The following ACKR2 variants were observed in gnomAD, a reference collection of about 807,000 sequenced individuals.
ACKR2 encodes C-C chemokine receptor D6.
For synonymous variants in ACKR2, 207 were observed against 192.2 expected (o/e 1.08, Z -0.64); for missense variants, 457 against 477.3 (o/e 0.96, Z 0.40).
chr3:42,859,867 C>T (rs1225303542), intron 2 of ACKR2, among the ~76,000 whole-genome samples: 1 of 151,918 alleles, frequency 6.6e-6, no homozygotes, highest in African/African-American at 2.4e-5. Flanking sequence ...AAACTGGTAC[C>T]AGCCACCACA....
At chr3:42,811,147 G>A (rs4683334) in intron 1 of ACKR2, among the ~76,000 whole-genome samples, 145,604 of 152,312 alleles carry the variant, frequency 0.96, 69,951 homozygotes, top group East Asian at 1. Flanking sequence ...ACAGTGGCAG[G>A]CCCTCATTTC....
At chr3:42,828,544 C>T (rs878956725) in intron 2 of ACKR2, among the ~76,000 whole-genome samples, 1 of 152,112 alleles carries the variant, frequency 6.6e-6, no homozygotes, top group Admixed American at 6.5e-5. Flanking sequence ...TTAAGGGGAA[C>T]CAAAAGGAAT....
chr3:42,851,396 G>A (rs563854132), intron 2 of ACKR2: 26 of 985,486 alleles, frequency 2.6e-5, no homozygotes, highest in Admixed American at 1.2e-4. Context: ...GGCACCTGGC[G>A]CTGCCGCTCT....
intron 2 of ACKR2, among the ~76,000 whole-genome samples, chr3:42,837,528 C>T (rs1202059750): frequency 6.6e-6 from 1 of 152,192 alleles, no homozygotes; most frequent in Non-Finnish European, 1.5e-5. Flanking sequence ...AGCTGGGAGC[C>T]TGCAGTTCTG....
In ACKR2 at chr3:42,822,628, G is replaced by A. The variant is rs575754389; in HGVS notation, c.-38+2917G>A. On this transcript the variant is annotated intron_variant, in intron 2 of 2. Coordinates refer to ENST00000422265, the MANE Select transcript of ACKR2 (RefSeq NM_001296.5). The stretch of plus-strand genomic sequence containing the variant: ...AGCACTTTGGGAGGCCAAGGCAGGT[G>A]GACTACTTGAGGTCAGGAGTTCGAG... Among the ~76,000 whole-genome samples, 5 of 152,072 alleles carry A rather than the reference G, an allele frequency of 3.3e-5. No homozygotes were observed. In the Middle Eastern group the frequency reaches 0.017, roughly 517 times the overall value.
At chr3:42,861,547 C>G (rs1461446736) in intron 2 of ACKR2, among the ~76,000 whole-genome samples, 1 of 152,086 alleles carries the variant, frequency 6.6e-6, no homozygotes, top group Non-Finnish European at 1.5e-5. Flanking sequence ...CAAAACCTGG[C>G]AAAGACACAA....
chr3:42,844,994 G>T (rs1484774758), intron 2 of ACKR2, among the ~76,000 whole-genome samples: 8 of 152,086 alleles, frequency 5.3e-5, no homozygotes, highest in Non-Finnish European at 1.2e-4. Context: ...GCACCTTCAG[G>T]CCTGGCAGCC....
At chr3:42,824,632 G>A (rs1457467061) in intron 2 of ACKR2, among the ~76,000 whole-genome samples, 1 of 152,114 alleles carries the variant, frequency 6.6e-6, no homozygotes, top group Non-Finnish European at 1.5e-5. Flanking sequence ...ATTGTATAAT[G>A]TTTTCAAGGT....
intron 2 of ACKR2, among the ~76,000 whole-genome samples, chr3:42,855,461 T>C (rs542617203): frequency 6.6e-6 from 1 of 152,152 alleles, no homozygotes; most frequent in Non-Finnish European, 1.5e-5. Context: ...TTGATGAAAG[T>C]GATAGGAGGG....
chr3:42,862,777 T>C (rs919769839), intron 2 of ACKR2, among the ~76,000 whole-genome samples: 1 of 152,180 alleles, frequency 6.6e-6, no homozygotes, highest in Non-Finnish European at 1.5e-5. Flanking sequence ...CTCTATCTAA[T>C]AAATGGTGTT....
rs139364522 is a variant in ACKR2 at position 42,816,647 on chromosome 3, C to G, written c.-118-2984C>G. On this transcript the variant is annotated intron_variant, in intron 1 of 2. Coordinates refer to ENST00000422265, the MANE Select transcript of ACKR2 (RefSeq NM_001296.5). ...TCTCAGCTCACTGAAACCTCTGCCT[C>G]ATGGGTTCAAGTAATTCTCATGCCT... Among the ~76,000 whole-genome samples, 385 of 151,920 alleles carry G rather than the reference C, an allele frequency of 2.5e-3. 3 individuals carry two copies. Among genetic ancestry groups the G allele is most frequent in the African/African-American group, 9.0e-3 (371 of 41,430 alleles).
intron 2 of ACKR2, among the ~76,000 whole-genome samples, chr3:42,853,306 T>G (rs768837265): frequency 1.3e-5 from 2 of 152,156 alleles, no homozygotes; most frequent in Non-Finnish European, 2.9e-5. Flanking sequence ...CTTGGGCACT[T>G]TACTCCCCTT....
intron 1 of ACKR2, among the ~76,000 whole-genome samples, chr3:42,812,247 T>C (rs1700704614): frequency 6.6e-6 from 1 of 152,236 alleles, no homozygotes; most frequent in African/African-American, 2.4e-5. Flanking sequence ...AGGAGTATTG[T>C]AATGGGACTG....
At chr3:42,864,430 G>A (rs745632287) in intron 2 of ACKR2, 36 bp from the exon 3 acceptor site, 1 of 1,516,150 alleles carries the variant, frequency 6.6e-7, no homozygotes, top group Non-Finnish European at 8.8e-7. Flanking sequence ...GAGAAAGGTA[G>A]AGAATGCTAG....
chr3:42,864,303 C>T (rs2088411524), intron 2 of ACKR2, among the ~76,000 whole-genome samples, 163 bp from the exon 3 acceptor site: 1 of 152,178 alleles, frequency 6.6e-6, no homozygotes, highest in African/African-American at 2.4e-5. Context: ...GGTGACATAA[C>T]TATTAAGTGG....
chr3:42,810,522 A>T (rs948605131), intron 1 of ACKR2, among the ~76,000 whole-genome samples: 16 of 151,658 alleles, frequency 1.1e-4, no homozygotes, highest in Non-Finnish European at 2.2e-4. Context: ...TTTCCTTATT[A>T]AAAAAAAGAC....
At chr3:42,822,498 G>A (rs1407852944) in intron 2 of ACKR2, among the ~76,000 whole-genome samples, 1 of 151,990 alleles carries the variant, frequency 6.6e-6, no homozygotes, top group African/African-American at 2.4e-5. Context: ...TGTATTCTGT[G>A]TAGCCTCAAC....
intron 2 of ACKR2, among the ~76,000 whole-genome samples, chr3:42,828,092 A>ATATATATATTTTTTTTT (rs1193533555): frequency 5.7e-5 from 7 of 121,896 alleles, no homozygotes; most frequent in African/African-American, 2.3e-4. Flanking sequence ...ATATATATAT[A>ATATATATATTTTTTTTT]TTTTTTTTTT....
At chr3:42,847,114 A>C (rs560970695) in intron 2 of ACKR2, among the ~76,000 whole-genome samples, 1 of 152,360 alleles carries the variant, frequency 6.6e-6, no homozygotes, top group African/African-American at 2.4e-5. Context: ...ATGTCTGGAG[A>C]ACCACTCTGT....
Sources: gnomAD v4.1 joint callset for allele counts (sites outside exome capture counted in the v4.1 genomes callset) on GRCh38, gnomAD v4.1.1 for gene constraint, MANE v1.5 for transcripts, NCBI Gene and HGNC (gene_info 2026-07-23, HGNC 2026-07-21) for gene names.